The following TRIM22 variants were observed in gnomAD, a reference collection of about 807,000 sequenced individuals.
TRIM22 encodes the protein E3 ubiquitin-protein ligase TRIM22.
In TRIM22, 45 loss-of-function variants were observed where a neutral mutation model predicts 53.6. The observed-to-expected ratio is 0.84, with a 90% confidence interval of 0.66 to 1.08. TRIM22 has a LOEUF of 1.08. TRIM22 is among the 50% of genes least tolerant of loss of function. The pLI, the probability that TRIM22 is intolerant of heterozygous loss-of-function variation, is 0.00. For missense variants in TRIM22, 616 were observed against 590.9 expected (o/e 1.04, Z -0.44); for synonymous variants, 225 against 216.6 (o/e 1.04, Z -0.34).
At position 5,710,324 on chromosome 11, in the gene TRIM22, T is replaced by C. The variant is rs1853539653; in HGVS notation, c.*676T>C. The C allele has an allele frequency of 6.6e-6, 1 of 152,182 alleles. No homozygotes were observed. The highest frequency in any genetic ancestry group is 1.5e-5 in the Non-Finnish European group (1 of 68,028). 9.4% of individuals were successfully genotyped at this position (152,182 alleles called of 1,614,324 possible). A position where few individuals can be genotyped will look rare whatever the true frequency, so the allele number is the denominator to read the frequency against. Reference sequence around the variant, plus strand: ...AATCCTTCCTATAGAAAGAACAGTATTGCTGTAATTCCTTTTCTTTTCTTC... The same window carrying C: ...AATCCTTCCTATAGAAAGAACAGTACTGCTGTAATTCCTTTTCTTTTCTTC... On this transcript the variant is annotated 3_prime_UTR_variant, in exon 8 of 8. Transcript: ENST00000379965.
intron 4 of TRIM22, 145 bp downstream of exon 4, chr11:5,698,690 T>C: frequency 1.5e-6 from 1 of 649,640 alleles, no homozygotes; most frequent in South Asian, 1.9e-5. Context: ...TTTATGCCCA[T>C]CATTTCAGGG....
At chr11:5,704,435 TTTA>T (rs1853426173) in intron 4 of TRIM22, among the ~76,000 whole-genome samples, 1 of 152,152 alleles carries the variant, frequency 6.6e-6, no homozygotes, top group South Asian at 2.1e-4. Context: ...GATGTTCTCT[TTTA>T]TTATCAGTTT....
At chr11:5,698,152 A>G (rs963126396) in intron 3 of TRIM22, 163 bp from the exon 4 acceptor site, 4 of 619,968 alleles carry the variant, frequency 6.5e-6, no homozygotes, top group Non-Finnish European at 1.2e-5. Flanking sequence ...CAGGTTAAAA[A>G]GTAGAAAAAC....
At chr11:5,708,907 T>C (rs1209175402) in intron 7 of TRIM22, 146 bp from the exon 8 acceptor site, 3 of 690,100 alleles carry the variant, frequency 4.3e-6, no homozygotes, top group Non-Finnish European at 7.2e-6. Flanking sequence ...ACACCCTGTA[T>C]TTCTTAAGGG....
At chr11:5,698,605 T>G (rs2291844) in intron 4 of TRIM22, 60 bp downstream of exon 4, 3 of 1,362,234 alleles carry the variant, frequency 2.2e-6, no homozygotes, top group Non-Finnish European at 3.1e-6. Context: ...GAGGCCGATT[T>G]TCCTTCCCTT....
chr11:5,693,189 CTT>C (rs55820335), intron 1 of TRIM22, among the ~76,000 whole-genome samples: 47,116 of 125,220 alleles, frequency 0.38, 8,236 homozygotes, highest in Non-Finnish European at 0.43. Context: ...GCCTGGCCAT[CTT>C]TTTTTTTTTT....
intron 1 of TRIM22, among the ~76,000 whole-genome samples, chr11:5,695,566 G>GTTTT (rs10664616): frequency 0.016 from 2,280 of 145,730 alleles, 66 homozygotes; most frequent in African/African-American, 0.052. Context: ...TGGCATTAGG[G>GTTTT]TTTTTTTTTT....
At chr11:5,690,843 A>T (rs779921524) in intron 1 of TRIM22, among the ~76,000 whole-genome samples, 6 of 152,214 alleles carry the variant, frequency 3.9e-5, no homozygotes, top group Non-Finnish European at 8.8e-5. Flanking sequence ...GAGGTTCAGC[A>T]GGGATGAGAG....
chr11:5,695,566 G>T (rs1026232118), intron 1 of TRIM22, among the ~76,000 whole-genome samples: 3 of 145,790 alleles, frequency 2.1e-5, no homozygotes, highest in African/African-American at 7.5e-5. Context: ...TGGCATTAGG[G>T]TTTTTTTTTT....
chr11:5,704,369 TATTA>T (rs1853425379), intron 4 of TRIM22, among the ~76,000 whole-genome samples: 1 of 152,188 alleles, frequency 6.6e-6, no homozygotes, highest in Non-Finnish European at 1.5e-5. Context: ...AGACTTTCAC[TATTA>T]ATTATGTTAT....
At chr11:5,695,447 T>C (rs1182913821) in intron 1 of TRIM22, among the ~76,000 whole-genome samples, 1 of 152,074 alleles carries the variant, frequency 6.6e-6, no homozygotes, top group African/African-American at 2.4e-5. Flanking sequence ...ATAAGTAAAA[T>C]AATTCAGACA....
At chr11:5,692,890 T>TTC (rs1853195364) in intron 1 of TRIM22, among the ~76,000 whole-genome samples, 2 of 151,200 alleles carry the variant, frequency 1.3e-5, no homozygotes, top group African/African-American at 4.9e-5. Flanking sequence ...TTTTTTTTTT[T>TTC]TCTTTTGACG....
At chr11:5,699,839 A>T (rs1853340007) in intron 4 of TRIM22, among the ~76,000 whole-genome samples, 1 of 150,832 alleles carries the variant, frequency 6.6e-6, no homozygotes, top group Admixed American at 6.6e-5. Flanking sequence ...TATTATTTCC[A>T]CATGTAGATT....
Position 5,709,138 on chromosome 11 carries a change from C to T in TRIM22, c.987C>T (p.Cys329=), listed in dbSNP as rs1853515073. The change falls in exon 8 of 8, where the codon TGC becomes TGT. Residue 329 remains cysteine (C), a synonymous_variant. Coordinates refer to ENST00000379965, the MANE Select transcript of TRIM22 (RefSeq NM_006074.5). ...DQRQVKTVRT[C]TFKNSNPCDF... ...GACAAGTGAAAACTGTACGCACCTG[C>T]ACATTTAAGAATTCAAATCCATGTG... 1.9e-6 allele frequency: 3 copies of T among 1,614,164 alleles called. No homozygotes were observed. Among genetic ancestry groups the T allele is most frequent in the Non-Finnish European group, 8.5e-7 (1 of 1,180,030 alleles).
chr11:5,696,121 C>G, intron 1 of TRIM22, 46 bp from the exon 2 acceptor site: 1 of 939,766 alleles, frequency 1.1e-6, no homozygotes, highest in East Asian at 2.5e-5. Context: ...AAGCAGTATT[C>G]TTTCTATTCC....
At chr11:5,700,114 GT>G (rs200037025) in intron 4 of TRIM22, among the ~76,000 whole-genome samples, 139 of 140,896 alleles carry the variant, frequency 9.9e-4, no homozygotes, top group Middle Eastern at 3.6e-3. Context: ...AGTTTGTATG[GT>G]TTTTTTTTTT....
chr11:5,708,141 G>A (rs557124245), intron 5 of TRIM22, 32 bp from the exon 6 acceptor site: 1 of 1,523,116 alleles, frequency 6.6e-7, no homozygotes, highest in South Asian at 1.1e-5. Flanking sequence ...TAGGGCAAAG[G>A]TGTAAAGGTT....
rs759284311 is a variant in TRIM22 at position 5,708,197 on chromosome 11, G to C, written c.798G>C (p.Lys266Asn). 73 of 1,614,064 alleles carry C rather than the reference G, an allele frequency of 4.5e-5. No homozygotes were observed. The East Asian group carries it at 6.0e-4, about 13-fold the overall frequency. ...MKRSESWTLK[K>N]PKSVSKKLKS... The stretch of plus-strand genomic sequence containing the variant: ...GGAGTGAAAGCTGGACATTGAAGAA[G>C]CCAAAATCTGTTTCCAAGAAACTAA... Residue 266 changes from lysine to asparagine, a missense_variant, in exon 6 of 8, where the codon AAG becomes AAC. Coordinates refer to ENST00000379965, the MANE Select transcript of TRIM22 (RefSeq NM_006074.5).
chr11:5,697,484 C>A, intron 3 of TRIM22, 141 bp downstream of exon 3: 1 of 562,998 alleles, frequency 1.8e-6, no homozygotes, highest in Non-Finnish European at 3.1e-6. Flanking sequence ...CAATTTAACT[C>A]CTTCCCTGTT....
Sources: allele counts gnomAD v4.1 joint callset (sites outside exome capture counted in the v4.1 genomes callset), GRCh38; gene constraint gnomAD v4.1.1; transcripts MANE v1.5; gene names NCBI Gene and HGNC (gene_info 2026-07-23, HGNC 2026-07-21).